The following SOX6 variants were observed in gnomAD, a reference collection of about 807,000 sequenced individuals.
The protein encoded by SOX6 is SRY-box transcription factor 6.
SOX6 carries 11 observed loss-of-function variants against 97.8 expected under a neutral mutation model. The observed-to-expected ratio is 0.11, with a 90% confidence interval of 0.07 to 0.19. The LOEUF is 0.19. Ranked by LOEUF, SOX6 falls within the 10% of genes least tolerant of loss-of-function variation. The pLI, the probability that SOX6 is intolerant of heterozygous loss-of-function variation, is 1.00. For synonymous variants in SOX6, 360 were observed against 371.4 expected (o/e 0.97, Z 0.35); for missense variants, 810 against 1,039.5 (o/e 0.78, Z 3.04).
At chr11:16,525,781 T>C (rs1861149649) in intron 4 of SOX6, among the ~76,000 whole-genome samples, 1 of 151,682 alleles carries the variant, frequency 6.6e-6, no homozygotes, top group Admixed American at 6.6e-5. Flanking sequence ...CAAACAAATT[T>C]ACAAGAAAAA....
intron 3 of SOX6, among the ~76,000 whole-genome samples, chr11:16,289,931 GAA>G (rs1404758883): frequency 2.0e-5 from 3 of 152,002 alleles, no homozygotes; most frequent in Admixed American, 2.0e-4. Context: ...GCTGGGAGCT[GAA>G]GTCTAATTAA....
At chr11:16,254,713 TA>T (rs1031197203) in intron 3 of SOX6, among the ~76,000 whole-genome samples, 1 of 151,502 alleles carries the variant, frequency 6.6e-6, no homozygotes, top group Non-Finnish European at 1.5e-5. Flanking sequence ...AAAGCAAAAA[TA>T]AAAATGAACG....
intron 6 of SOX6, among the ~76,000 whole-genome samples, chr11:16,118,097 G>A (rs1033038129): frequency 1.3e-5 from 2 of 152,182 alleles, no homozygotes; most frequent in Admixed American, 6.5e-5. Flanking sequence ...AAAATATATC[G>A]CTGGGCATGA....
At chr11:16,404,346 G>A (rs184600343) in intron 1 of SOX6, among the ~76,000 whole-genome samples, 10 of 151,634 alleles carry the variant, frequency 6.6e-5, no homozygotes, top group African/African-American at 2.4e-5. Flanking sequence ...AATAATGGCC[G>A]GTATATTAAG....
intron 4 of SOX6, among the ~76,000 whole-genome samples, chr11:16,513,452 G>A (rs572762449): frequency 6.6e-6 from 1 of 152,042 alleles, no homozygotes; most frequent in Non-Finnish European, 1.5e-5. Context: ...GGCCAACATG[G>A]TGAAACTCCA....
chr11:16,263,898 A>C (rs970840816), intron 3 of SOX6, among the ~76,000 whole-genome samples: 17 of 151,940 alleles, frequency 1.1e-4, no homozygotes, highest in Admixed American at 3.9e-4. Context: ...ACAGTACAAT[A>C]TTTTTAGTAC....
chr11:16,690,010 C>T (rs35405158), intron 3 of SOX6, among the ~76,000 whole-genome samples: 3,108 of 151,878 alleles, frequency 0.02, 116 homozygotes, highest in African/African-American at 0.072. Flanking sequence ...CTGCAACCTC[C>T]GCCTCTCGGG....
intron 13 of SOX6, among the ~76,000 whole-genome samples, chr11:15,998,690 T>C (rs1326533884): frequency 6.6e-6 from 1 of 152,024 alleles, no homozygotes; most frequent in Non-Finnish European, 1.5e-5. Flanking sequence ...AAAACGATAG[T>C]TTTTTCAACA....
intron 4 of SOX6, among the ~76,000 whole-genome samples, chr11:16,192,926 C>T (rs768066080): frequency 6.6e-6 from 1 of 152,130 alleles, no homozygotes; most frequent in Non-Finnish European, 1.5e-5. Flanking sequence ...ATAAGGCAGG[C>T]AACTTGCAGG....
chr11:15,985,584 C>T (rs1257923086), intron 15 of SOX6, among the ~76,000 whole-genome samples: 1 of 152,134 alleles, frequency 6.6e-6, no homozygotes, highest in African/African-American at 2.4e-5. Flanking sequence ...GAAATTTATA[C>T]CAGAAATCTA....
intron 12 of SOX6, among the ~76,000 whole-genome samples, chr11:16,044,676 GC>G (rs1222426700): frequency 2.0e-5 from 3 of 152,068 alleles, no homozygotes; most frequent in African/African-American, 7.2e-5. Flanking sequence ...ACTAAACAAA[GC>G]CTACAAGAAT....
chr11:16,019,069 T>C (rs115543493), intron 12 of SOX6, among the ~76,000 whole-genome samples: 2,087 of 152,148 alleles, frequency 0.014, 44 homozygotes, highest in African/African-American at 0.048. Flanking sequence ...TTTCAAACCA[T>C]ATGCGAAGTG....
chr11:16,556,160 C>T (rs904861956), intron 4 of SOX6, among the ~76,000 whole-genome samples: 10 of 151,534 alleles, frequency 6.6e-5, no homozygotes, highest in Admixed American at 4.0e-4. Flanking sequence ...TTCAAGTTGC[C>T]AGAACGGCTG....
chr11:16,096,574 T>C (rs768149915), intron 8 of SOX6, among the ~76,000 whole-genome samples: 1 of 151,830 alleles, frequency 6.6e-6, no homozygotes, highest in Admixed American at 6.6e-5. Context: ...TCTCAAAGTA[T>C]TGCAGAAATT....
intron 13 of SOX6, among the ~76,000 whole-genome samples, chr11:16,009,595 T>A (rs1854650651): frequency 6.6e-6 from 1 of 152,068 alleles, no homozygotes. Context: ...TCTCAAGAAG[T>A]GGCCAGTATT....
intron 1 of SOX6, among the ~76,000 whole-genome samples, chr11:16,411,189 G>A (rs1407840952): frequency 6.6e-6 from 1 of 152,128 alleles, no homozygotes. Flanking sequence ...CTACCTCTGA[G>A]AAACTCCACC....
intron 4 of SOX6, among the ~76,000 whole-genome samples, chr11:16,595,876 G>A (rs1848208456): frequency 1.3e-5 from 2 of 152,114 alleles, no homozygotes; most frequent in South Asian, 4.1e-4. Context: ...TGCTGCTACT[G>A]CTGCTTCTGC....
chr11:16,705,631 G>A (rs183731941), intron 3 of SOX6, among the ~76,000 whole-genome samples: 83 of 145,530 alleles, frequency 5.7e-4, no homozygotes, highest in African/African-American at 1.9e-3. Flanking sequence ...CACCTCTAGG[G>A]GGAAAAAAAA....
At chr11:16,645,299 G>C (rs138445387) in intron 3 of SOX6, among the ~76,000 whole-genome samples, 60 of 152,264 alleles carry the variant, frequency 3.9e-4, no homozygotes, top group Non-Finnish European at 7.9e-4. Flanking sequence ...TTTACCCGTT[G>C]TTTCACCACT....
Sources: allele counts gnomAD v4.1 joint callset (sites outside exome capture counted in the v4.1 genomes callset), GRCh38; gene constraint gnomAD v4.1.1; transcripts MANE v1.5; gene names NCBI Gene and HGNC (gene_info 2026-07-23, HGNC 2026-07-21).